Variants in CDK19 observed in about 807,000 individuals in gnomAD.
CDK19 encodes cyclin dependent kinase 19, also known as cyclin-dependent kinase 19.
In CDK19, 20 loss-of-function variants were observed where a neutral mutation model predicts 68.3. The observed-to-expected ratio is 0.29, with a 90% CI of 0.21 to 0.43. The LOEUF (loss-of-function observed/expected upper bound fraction) is 0.43. CDK19 is among the 20% of genes least tolerant of loss of function. The pLI is 1.00. For missense variants in CDK19, 339 were observed against 623.5 expected, an observed-to-expected ratio of 0.54 and a Z score of 4.86; for synonymous variants, 221 against 222.8, an observed-to-expected ratio of 0.99 and a Z score of 0.07.
chr6:110,665,756 T>G (rs185822712), intron 4 of CDK19, among the ~76,000 whole-genome samples: 477 of 152,274 alleles, frequency 3.1e-3, no homozygotes, highest in Non-Finnish European at 4.7e-3. Flanking sequence ...ATCTTTTTGT[T>G]TATTTGTTTT....
chr6:110,646,273 G>T, intron 4 of CDK19: 2 of 1,505,934 alleles, frequency 1.3e-6, no homozygotes, highest in Non-Finnish European at 1.8e-6. Flanking sequence ...TGCGTGTGCT[G>T]CCCCGCCAAC....
intron 12 of CDK19, among the ~76,000 whole-genome samples, chr6:110,616,977 T>C (rs1036561873): frequency 3.9e-5 from 6 of 152,130 alleles, no homozygotes; most frequent in African/African-American, 9.7e-5. Flanking sequence ...TTACAATACA[T>C]TGATGAAGCA....
chr6:110,763,020 C>T (rs1254428635), intron 1 of CDK19, among the ~76,000 whole-genome samples: 3 of 152,156 alleles, frequency 2.0e-5, no homozygotes, highest in Non-Finnish European at 2.9e-5. Flanking sequence ...TTAGGTTTTA[C>T]ATTCAACAGG....
At chr6:110,671,677 A>G (rs1462070212) in intron 2 of CDK19, among the ~76,000 whole-genome samples, 1 of 152,222 alleles carries the variant, frequency 6.6e-6, no homozygotes, top group African/African-American at 2.4e-5. Flanking sequence ...CACTACAGCT[A>G]AAGTTCATGT....
At chr6:110,707,985 T>C (rs1372825335) in intron 2 of CDK19, among the ~76,000 whole-genome samples, 1 of 151,980 alleles carries the variant, frequency 6.6e-6, no homozygotes, top group African/African-American at 2.4e-5. Flanking sequence ...AATAAATAAA[T>C]AGTATGTTTA....
At chr6:110,659,711 C>T (rs1781502534) in intron 4 of CDK19, among the ~76,000 whole-genome samples, 1 of 151,898 alleles carries the variant, frequency 6.6e-6, no homozygotes. Context: ...TGTGGTTCGA[C>T]AGCAGGGAGG....
chr6:110,673,424 A>G (rs545445976), intron 2 of CDK19, among the ~76,000 whole-genome samples: 1 of 152,272 alleles, frequency 6.6e-6, no homozygotes, highest in East Asian at 1.9e-4. Flanking sequence ...ATAAATAACT[A>G]TTTGAATCCC....
chr6:110,640,370 G>C (rs910561397), intron 4 of CDK19, among the ~76,000 whole-genome samples: 1 of 152,076 alleles, frequency 6.6e-6, no homozygotes, highest in Non-Finnish European at 1.5e-5. Flanking sequence ...TACAGGAGAG[G>C]ATGAGGGAGT....
Position 110,647,278 on chromosome 6 carries a change from A to G in CDK19, c.457-8572T>C, listed in dbSNP as rs576088343. ...GCAGCAAGAGACCAGCGACTTCACC[A>G]AAATCCCCCAACAATGGAACAGAAA... On this transcript the variant is annotated intron_variant, in intron 4 of 12. Coordinates refer to ENST00000368911, the MANE Select transcript of CDK19 (RefSeq NM_015076.5). 3.4e-3 allele frequency among the ~76,000 whole-genome samples: 512 copies of G among 152,192 alleles called. 1 individual carries two copies. Among genetic ancestry groups the G allele is most frequent in the Middle Eastern group, 0.024 (7 of 294 alleles).
intron 1 of CDK19, among the ~76,000 whole-genome samples, chr6:110,797,028 A>G (rs1488875948): frequency 1.4e-5 from 2 of 142,780 alleles, no homozygotes; most frequent in Non-Finnish European, 3.0e-5. Flanking sequence ...AAAAAAAAAT[A>G]CACATAAATT....
intron 1 of CDK19, among the ~76,000 whole-genome samples, chr6:110,791,702 G>C (rs925144881): frequency 7.9e-5 from 12 of 151,990 alleles, no homozygotes; most frequent in Non-Finnish European, 1.2e-4. Context: ...ATGTCGCCCA[G>C]GCTGAATTCA....
At chr6:110,646,273 G>A (rs1411522111) in intron 4 of CDK19, 2 of 1,505,934 alleles carry the variant, frequency 1.3e-6, no homozygotes, top group Non-Finnish European at 1.8e-6. Context: ...TGCGTGTGCT[G>A]CCCCGCCAAC....
At position 110,621,946 on chromosome 6, in the gene CDK19, T is replaced by A; in HGVS notation, c.1110+142A>T. ...CAAGGTACCTTTACAATCCCCAAACTTCCACAGAAAATAAGATACATTCAA... is the reference window on the plus strand; with the variant it reads ...CAAGGTACCTTTACAATCCCCAAACATCCACAGAAAATAAGATACATTCAA... On this transcript the variant is annotated intron_variant, in intron 11 of 12. Transcript: ENST00000368911. This position sits in a 1 kb window ranked among gnomAD's most constrained non-coding sequence, Gnocchi z 5.4. The A allele has an allele frequency of 2.0e-6, 1 of 495,362 alleles. No individual in the cohort carries two copies. Among genetic ancestry groups the A allele is most frequent in the East Asian group, 3.3e-5 (1 of 30,276 alleles). The allele number at this position is 495,362 out of a possible 1,614,324, so 30.7% of individuals were successfully genotyped here. A position where few individuals can be genotyped will look rare whatever the true frequency, so the allele number is the denominator to read the frequency against.
chr6:110,770,238 C>A (rs1254203804), intron 1 of CDK19, among the ~76,000 whole-genome samples: 1 of 152,114 alleles, frequency 6.6e-6, no homozygotes, highest in Admixed American at 6.6e-5. Context: ...TATGCAGCTA[C>A]TTTGTATTAG....
intron 1 of CDK19, among the ~76,000 whole-genome samples, chr6:110,799,659 A>T (rs1196204224): frequency 6.6e-6 from 1 of 151,926 alleles, no homozygotes; most frequent in Non-Finnish European, 1.5e-5. Flanking sequence ...TGGCAATGGC[A>T]CAATCTCGGC....
At chr6:110,742,485 C>T (rs1241571150) in intron 2 of CDK19, among the ~76,000 whole-genome samples, 1 of 152,144 alleles carries the variant, frequency 6.6e-6, no homozygotes, top group Non-Finnish European at 1.5e-5. Flanking sequence ...GGGAAGAAAA[C>T]CACAAGGTCT....
chr6:110,735,324 T>C (rs1331231860), intron 2 of CDK19, among the ~76,000 whole-genome samples: 1 of 152,136 alleles, frequency 6.6e-6, no homozygotes, highest in East Asian at 1.9e-4. Context: ...AAAAAAAAAC[T>C]TTATCAAAAC....
intron 4 of CDK19, among the ~76,000 whole-genome samples, chr6:110,640,523 G>A (rs1206197476): frequency 1.3e-5 from 2 of 152,106 alleles, no homozygotes; most frequent in African/African-American, 4.8e-5. Flanking sequence ...TAAGAAAAAG[G>A]GTGGTAAAGA....
At chr6:110,810,915 G>A (rs1783043424) in intron 1 of CDK19, among the ~76,000 whole-genome samples, 1 of 151,918 alleles carries the variant, frequency 6.6e-6, no homozygotes, top group South Asian at 2.1e-4. Context: ...TGCACTTTTG[G>A]CATGCAAAAA....
Sources: gnomAD v4.1 joint callset for allele counts (sites outside exome capture counted in the v4.1 genomes callset) on GRCh38, gnomAD v4.1.1 for gene constraint, Gnocchi (gnomAD v3.1) non-coding constraint, MANE v1.5 for transcripts, NCBI Gene and HGNC (gene_info 2026-07-23, HGNC 2026-07-21) for gene names.